ABCA8: variants seen among roughly 807,000 people sequenced by gnomAD.
ABCA8 encodes the protein ABC-type organic anion transporter ABCA8.
In ABCA8, 177 loss-of-function variants were observed where a neutral mutation model predicts 192.3. The ratio of observed to expected loss-of-function variants is 0.92; its 90% confidence interval spans 0.81 to 1.04. The LOEUF (loss-of-function observed/expected upper bound fraction) is 1.04. Among genes scored for constraint, ABCA8 ranks in the 50% least tolerant of loss-of-function variants. The pLI, the probability that ABCA8 is intolerant of heterozygous loss-of-function variation, is 0.00. For missense variants in ABCA8, 1,915 were observed against 1,904.8 expected, an observed-to-expected ratio of 1.01 and a Z score of -0.10; for synonymous variants, 642 against 690.2, an observed-to-expected ratio of 0.93 and a Z score of 1.09.
At chr17:68,881,062 C>G in intron 32 of ABCA8, 58 bp downstream of exon 32, 1 of 1,242,250 alleles carries the variant, frequency 8.0e-7, no homozygotes, top group South Asian at 1.2e-5. Context: ...TTAAGGTCAT[C>G]AAATCTTATC....
In ABCA8 at chr17:68,911,347, C is replaced by T. The variant is rs973442514; in HGVS notation, c.2139-3468G>A. 6.6e-6 allele frequency among the ~76,000 whole-genome samples: 1 copy of T among 151,634 alleles called. No homozygotes were observed. The highest frequency in any genetic ancestry group is 1.5e-5 in the Non-Finnish European group (1 of 67,930). On this transcript the variant is annotated intron_variant, in intron 17 of 39. Coordinates refer to ENST00000586539, the MANE Select transcript of ABCA8 (RefSeq NM_001288985.2). The surrounding 1 kb of genome is among the most constrained non-coding windows in gnomAD (Gnocchi z 5.7). ...GCAGTGGTGACTAGGGGGAGAGACTCCTTCTCCTTGAGGAGAGGGAAGAGT... is the reference window on the plus strand; with the variant it reads ...GCAGTGGTGACTAGGGGGAGAGACTTCTTCTCCTTGAGGAGAGGGAAGAGT...
Position 68,875,259 on chromosome 17 carries a change from C to A in ABCA8, c.4631+1G>T, listed in dbSNP as rs756387475. On this transcript the variant is annotated splice_donor_variant, in intron 37 of 39. Transcript: ENST00000586539. LOFTEE classifies it high-confidence loss of function. ...ATTTCCAAAACAGCAACCATGTTTA[C>A]CTTTCCTGCCGAGCAGCCTGGGGGA... 1.2e-6 allele frequency: 2 copies of A among 1,613,454 alleles called. 1 individual carries two copies. The highest frequency in any genetic ancestry group is 1.7e-6 in the Non-Finnish European group (2 of 1,180,018).
chr17:68,882,233 C>G (rs1369137630), intron 30 of ABCA8, among the ~76,000 whole-genome samples: 1 of 152,100 alleles, frequency 6.6e-6, no homozygotes, highest in Non-Finnish European at 1.5e-5. Flanking sequence ...CCTGTCCTTT[C>G]AGATCAAACG....
rs541984203 is a variant in ABCA8, at chr17:68,883,571, A to G, written c.3707+220T>C. 3.3e-5 allele frequency among the ~76,000 whole-genome samples: 5 copies of G among 152,282 alleles called. No homozygotes were observed. In the South Asian group the frequency reaches 1.0e-3, roughly 32 times the overall value. On this transcript the variant is annotated intron_variant, in intron 29 of 39. Coordinates refer to ENST00000586539, the MANE Select transcript of ABCA8 (RefSeq NM_001288985.2). ...AGTGCTCCACTGTGGATAGTGTCAG[A>G]TAGAGCCTTAATACTCCATGTTTCA...
chr17:68,942,631 A>G (rs982894515), intron 2 of ABCA8, among the ~76,000 whole-genome samples: 3 of 142,654 alleles, frequency 2.1e-5, no homozygotes, highest in African/African-American at 7.6e-5. Flanking sequence ...GTCCTGTTGC[A>G]AAAGGAGTGC....
intron 38 of ABCA8, among the ~76,000 whole-genome samples, chr17:68,868,705 A>T (rs1258428089): frequency 6.6e-6 from 1 of 152,142 alleles, no homozygotes; most frequent in South Asian, 2.1e-4. Flanking sequence ...CTTGTATCAG[A>T]AGATTATGGA....
Position 68,907,729 on chromosome 17 carries a change from A to G in ABCA8, c.2278+11T>C, listed in dbSNP as rs79550679. 470 of 1,578,660 alleles carry G rather than the reference A, an allele frequency of 3.0e-4. No homozygotes were observed. In the African/African-American group the frequency reaches 4.0e-3, roughly 14 times the overall value. On this transcript the variant is annotated intron_variant, in intron 18 of 39. Transcript: ENST00000586539. The stretch of plus-strand genomic sequence containing the variant: ...TCACATATTTTATTTCACAGTGTTC[A>G]TGCACATTACCTGGAAATTTATTTG...
intron 10 of ABCA8, among the ~76,000 whole-genome samples, chr17:68,925,805 A>G (rs2067682311): frequency 6.6e-6 from 1 of 152,316 alleles, no homozygotes; most frequent in East Asian, 1.9e-4. Flanking sequence ...CCATGAAATA[A>G]TGCTGTCATT....
chr17:68,921,807 G>A (rs1387395987), intron 12 of ABCA8, among the ~76,000 whole-genome samples: 1 of 151,982 alleles, frequency 6.6e-6, no homozygotes, highest in African/African-American at 2.4e-5. Context: ...TTATTAAATG[G>A]AAGAATAGAT....
chr17:68,946,643 AATTAT>A (rs2143800313), intron 2 of ABCA8, among the ~76,000 whole-genome samples: 1 of 152,262 alleles, frequency 6.6e-6, no homozygotes, highest in South Asian at 2.1e-4. Flanking sequence ...ATGAGCAAGA[AATTAT>A]ATTGTATTGG....
chr17:68,888,735 T>C (rs1443902227), intron 24 of ABCA8, among the ~76,000 whole-genome samples: 1 of 151,920 alleles, frequency 6.6e-6, no homozygotes, highest in Non-Finnish European at 1.5e-5. Context: ...GAGAAGGGAG[T>C]TTGTATCAAC....
chr17:68,887,226 G>A, intron 25 of ABCA8, 96 bp from the exon 26 acceptor site: 1 of 1,346,474 alleles, frequency 7.4e-7, no homozygotes, highest in South Asian at 1.5e-5. Context: ...GGATTTTATA[G>A]TTCTTTAATT....
chr17:68,938,735 T>A (rs2143748878), intron 4 of ABCA8, among the ~76,000 whole-genome samples: 1 of 152,282 alleles, frequency 6.6e-6, no homozygotes, highest in Admixed American at 6.5e-5. Flanking sequence ...TCACTTTACA[T>A]CCAACCATCA....
intron 24 of ABCA8, among the ~76,000 whole-genome samples, chr17:68,890,187 C>T (rs79107082): frequency 0.02 from 3,062 of 152,236 alleles, 114 homozygotes; most frequent in African/African-American, 0.067. Flanking sequence ...ATGAGAGTTC[C>T]GGTTTCTCCA....
intron 37 of ABCA8, among the ~76,000 whole-genome samples, chr17:68,872,718 T>G (rs902820473): frequency 1.3e-5 from 2 of 152,110 alleles, no homozygotes; most frequent in Non-Finnish European, 2.9e-5. Context: ...AAGACAGTGA[T>G]GTTGATAATC....
Position 68,918,458 on chromosome 17 carries a change from G to A in ABCA8, c.1877C>T (p.Thr626Ile), listed in dbSNP as rs186420181. 3.9e-5 allele frequency: 61 copies of A among 1,571,004 alleles called. No individual in the cohort carries two copies. The East Asian group carries it at 1.3e-3, about 34-fold the overall frequency. The change falls in exon 15 of 40, where the codon ACC (threonine) becomes ATC (isoleucine). Residue 626 changes from threonine to isoleucine, a missense_variant. By Grantham distance (89) the Thr-to-Ile change is moderately conservative. Transcript: ENST00000586539. ...ATCTCCTAAAATGGCAATCCCAAAGGTTAGCTTTCTTTTCTGTCCACCACT... is the reference window on the plus strand; with the variant it reads ...ATCTCCTAAAATGGCAATCCCAAAGATTAGCTTTCTTTTCTGTCCACCACT... ...NLSGGQKRKL[T>I]FGIAILGDPQ...
chr17:68,939,681 G>C (rs910489784), intron 4 of ABCA8, among the ~76,000 whole-genome samples: 2 of 151,968 alleles, frequency 1.3e-5, no homozygotes, highest in African/African-American at 4.8e-5. Context: ...TACTTCTGTT[G>C]GTGATAAACC....
chr17:68,951,642 C>T (rs1243839046), intron 1 of ABCA8, among the ~76,000 whole-genome samples: 3 of 152,148 alleles, frequency 2.0e-5, no homozygotes, highest in African/African-American at 7.2e-5. Context: ...GCATTTAAAG[C>T]ATAGGTAGCT....
At chr17:68,899,773 G>A (rs939065178) in intron 21 of ABCA8, among the ~76,000 whole-genome samples, 8 of 152,010 alleles carry the variant, frequency 5.3e-5, no homozygotes, top group African/African-American at 1.7e-4. Flanking sequence ...GACCACAAGG[G>A]ATGAATTTAG....
Sources: allele counts gnomAD v4.1 joint callset (sites outside exome capture counted in the v4.1 genomes callset), GRCh38; gene constraint gnomAD v4.1.1; non-coding constraint Gnocchi (gnomAD v3.1); transcripts MANE v1.5; gene names NCBI Gene and HGNC (gene_info 2026-07-23, HGNC 2026-07-21).